CPA6: variants seen among roughly 807,000 people sequenced by gnomAD.
CPA6 encodes the protein carboxypeptidase A6, also known as carboxypeptidase B.
In CPA6, 58 loss-of-function variants were observed where a neutral mutation model predicts 63.3. That is an observed-to-expected ratio of 0.92 (90% CI 0.74 to 1.14). The LOEUF is 1.14. CPA6 is among the 50% of genes most tolerant of loss of function. CPA6 has a pLI of 0.00. For synonymous variants in CPA6, 185 were observed against 179.0 expected, an observed-to-expected ratio of 1.03 and a Z score of -0.27; for missense variants, 565 against 526.6, an observed-to-expected ratio of 1.07 and a Z score of -0.71.
chr8:67,511,761 G>T, intron 3 of CPA6, 106 bp from the exon 4 acceptor site: 1 of 676,656 alleles, frequency 1.5e-6, no homozygotes. Flanking sequence ...AGACTGTGGT[G>T]ATCAATATTC....
chr8:67,572,103 A>G (rs1053481114), intron 2 of CPA6, among the ~76,000 whole-genome samples: 1 of 152,246 alleles, frequency 6.6e-6, no homozygotes, highest in Non-Finnish European at 1.5e-5. Context: ...TCCTAAACAT[A>G]TACAACCTGC....
At chr8:67,475,771 T>TTC (rs749494099) in intron 8 of CPA6, among the ~76,000 whole-genome samples, 2 of 40,526 alleles carry the variant, frequency 4.9e-5, no homozygotes, top group Non-Finnish European at 9.0e-5. Flanking sequence ...TTCTTTCTCT[T>TTC]TCTTTCTTTC....
chr8:67,605,889 C>T (rs1011494217), intron 2 of CPA6, among the ~76,000 whole-genome samples: 2 of 152,004 alleles, frequency 1.3e-5, no homozygotes, highest in Non-Finnish European at 2.9e-5. Context: ...CATGCACAGC[C>T]AATGGATAGG....
chr8:67,688,108 G>A (rs1354093752), intron 1 of CPA6, among the ~76,000 whole-genome samples: 2 of 152,152 alleles, frequency 1.3e-5, no homozygotes, highest in African/African-American at 2.4e-5. Flanking sequence ...AGGCTGCAGT[G>A]AGCTGAGATC....
intron 1 of CPA6, 145 bp from the exon 2 acceptor site, chr8:67,624,396 A>G (rs1236633485): frequency 1.9e-6 from 1 of 514,538 alleles, no homozygotes; most frequent in Non-Finnish European, 3.4e-6. Context: ...ATTTTATCCA[A>G]TTTATTCTCT....
chr8:67,438,309 T>C (rs1184521516), intron 8 of CPA6, among the ~76,000 whole-genome samples: 1 of 152,086 alleles, frequency 6.6e-6, no homozygotes, highest in Non-Finnish European at 1.5e-5. Context: ...CTTTGACAAA[T>C]TATAGTGAAA....
chr8:67,484,236 A>AT (rs962749948), intron 7 of CPA6, among the ~76,000 whole-genome samples: 32 of 149,418 alleles, frequency 2.1e-4, no homozygotes, highest in East Asian at 9.9e-4. Context: ...CGCCCGGCTA[A>AT]TTTTTTTTTG....
intron 10 of CPA6, among the ~76,000 whole-genome samples, chr8:67,426,264 C>T (rs560144111): frequency 3.3e-4 from 50 of 152,316 alleles, no homozygotes; most frequent in Middle Eastern, 3.4e-3. Context: ...CCGCCGCATC[C>T]GGCCAACAGC....
At chr8:67,636,034 A>G (rs998185245) in intron 1 of CPA6, among the ~76,000 whole-genome samples, 3 of 151,668 alleles carry the variant, frequency 2.0e-5, no homozygotes, top group Admixed American at 6.6e-5. Flanking sequence ...ATCAGAACTG[A>G]GTCTCGATTA....
intron 1 of CPA6, among the ~76,000 whole-genome samples, chr8:67,651,592 A>G (rs1054723154): frequency 2.0e-5 from 3 of 152,136 alleles, no homozygotes; most frequent in African/African-American, 7.2e-5. Context: ...CACAAGAAAC[A>G]CACTCATTGT....
intron 1 of CPA6, among the ~76,000 whole-genome samples, chr8:67,711,652 G>A (rs1205841592): frequency 1.3e-5 from 2 of 149,924 alleles, no homozygotes; most frequent in Non-Finnish European, 3.0e-5. Context: ...TATGTGTGTG[G>A]TATATGTATG....
intron 8 of CPA6, among the ~76,000 whole-genome samples, chr8:67,474,456 C>T (rs1488801885): frequency 6.6e-6 from 1 of 152,012 alleles, no homozygotes; most frequent in Non-Finnish European, 1.5e-5. Context: ...TTCCTGACCT[C>T]GTGATCCACC....
chr8:67,444,538 C>T (rs1223948509), intron 8 of CPA6, among the ~76,000 whole-genome samples: 1 of 151,692 alleles, frequency 6.6e-6, no homozygotes, highest in African/African-American at 2.4e-5. Flanking sequence ...AATCCCAGCA[C>T]TGTGGGAGGC....
At chr8:67,621,843 G>A (rs1463330105) in intron 2 of CPA6, among the ~76,000 whole-genome samples, 1 of 152,094 alleles carries the variant, frequency 6.6e-6, no homozygotes, top group Non-Finnish European at 1.5e-5. Flanking sequence ...TCCCCCAGGT[G>A]GCCGCCTTTC....
At chr8:67,461,022 G>A (rs1251888733) in intron 8 of CPA6, among the ~76,000 whole-genome samples, 2 of 151,212 alleles carry the variant, frequency 1.3e-5, no homozygotes, top group African/African-American at 4.9e-5. Flanking sequence ...CGTGAGGAAT[G>A]GTGGTGGAAG....
chr8:67,728,500 A>T (rs1240861718), intron 1 of CPA6, among the ~76,000 whole-genome samples: 1 of 152,214 alleles, frequency 6.6e-6, no homozygotes, highest in Non-Finnish European at 1.5e-5. Flanking sequence ...AGCCTTTCTC[A>T]TTGTTGAACA....
chr8:67,482,008 A>G (rs1026274491), intron 8 of CPA6, among the ~76,000 whole-genome samples: 7 of 152,254 alleles, frequency 4.6e-5, no homozygotes, highest in African/African-American at 1.2e-4. Context: ...TGGCTCACAG[A>G]AAAAATCAGA....
intron 1 of CPA6, among the ~76,000 whole-genome samples, chr8:67,630,754 G>T (rs961274163): frequency 6.6e-6 from 1 of 152,214 alleles, no homozygotes; most frequent in Non-Finnish European, 1.5e-5. Context: ...CCAGGGCTGC[G>T]CACGGTGCTA....
chr8:67,699,937 T>A (rs1241229505), intron 1 of CPA6, among the ~76,000 whole-genome samples: 2 of 152,160 alleles, frequency 1.3e-5, no homozygotes, highest in Non-Finnish European at 2.9e-5. Flanking sequence ...AATTAGAGAA[T>A]CCTCTACAAT....
Sources: allele counts gnomAD v4.1 joint callset (sites outside exome capture counted in the v4.1 genomes callset), GRCh38; gene constraint gnomAD v4.1.1; transcripts MANE v1.5; gene names NCBI Gene and HGNC (gene_info 2026-07-23, HGNC 2026-07-21).